The following C1orf21 variants were observed in gnomAD, a reference collection of about 807,000 sequenced individuals.
C1orf21 encodes the protein chromosome 1 open reading frame 21, also known as uncharacterized protein C1orf21.
C1orf21 carries 3 observed loss-of-function variants against 18.7 expected under a neutral mutation model. That is an observed-to-expected ratio of 0.16 (90% CI 0.07 to 0.42). The LOEUF (loss-of-function observed/expected upper bound fraction) is 0.42. C1orf21 is among the 10% of genes least tolerant of loss of function. C1orf21 has a pLI of 0.99. For missense variants in C1orf21, 104 were observed against 143.6 expected (o/e 0.72, Z 1.41); for synonymous variants, 41 against 46.4 (o/e 0.88, Z 0.47).
chr1:184,517,118 C>T (rs1015790246), intron 3 of C1orf21, among the ~76,000 whole-genome samples: 5 of 149,140 alleles, frequency 3.4e-5, no homozygotes, highest in African/African-American at 9.7e-5. Context: ...CTCAAGATCA[C>T]GGTCGTCATA....
At chr1:184,393,929 A>G (rs77535165) in intron 1 of C1orf21, among the ~76,000 whole-genome samples, 18 of 152,082 alleles carry the variant, frequency 1.2e-4, no homozygotes, top group Admixed American at 4.6e-4. Flanking sequence ...ACTGCTCTCC[A>G]TGAAAATTTT....
At chr1:184,523,672 GTATGGGGTA>G (rs1200432054) in intron 3 of C1orf21, among the ~76,000 whole-genome samples, 1 of 152,110 alleles carries the variant, frequency 6.6e-6, no homozygotes, top group Admixed American at 6.5e-5. Context: ...AGAAAGCTAG[GTATGGGGTA>G]TATGTAAATT....
At chr1:184,469,656 C>T (rs1258903001) in intron 1 of C1orf21, among the ~76,000 whole-genome samples, 2 of 152,192 alleles carry the variant, frequency 1.3e-5, no homozygotes, top group East Asian at 3.9e-4. Context: ...ACTGATAGGA[C>T]ATCTGTTTCA....
At chr1:184,479,073 T>G (rs12132671) in intron 2 of C1orf21, among the ~76,000 whole-genome samples, 24,485 of 152,166 alleles carry the variant, frequency 0.16, 2,286 homozygotes, top group Admixed American at 0.28. Context: ...GGAAGAAAAC[T>G]GTTGCATTTT....
At chr1:184,468,223 T>G (rs1290119814) in intron 1 of C1orf21, among the ~76,000 whole-genome samples, 1 of 152,232 alleles carries the variant, frequency 6.6e-6, no homozygotes, top group Non-Finnish European at 1.5e-5. Flanking sequence ...AGATGCTTAT[T>G]TCCTTGAGCA....
chr1:184,600,565 C>T (rs1659573301), intron 5 of C1orf21, among the ~76,000 whole-genome samples: 1 of 152,116 alleles, frequency 6.6e-6, no homozygotes, highest in Non-Finnish European at 1.5e-5. Flanking sequence ...CTTTTGCATC[C>T]AGAATGTAGA....
chr1:184,619,369 C>A, intron 5 of C1orf21, 149 bp from the exon 6 acceptor site: 1 of 761,194 alleles, frequency 1.3e-6, no homozygotes, highest in Non-Finnish European at 2.1e-6. Flanking sequence ...GTATTTATGA[C>A]GTAGCTACCC....
At chr1:184,524,387 T>C (rs947615919) in intron 3 of C1orf21, among the ~76,000 whole-genome samples, 29 of 152,172 alleles carry the variant, frequency 1.9e-4, no homozygotes, top group African/African-American at 6.8e-4. Context: ...CATGGAGAAT[T>C]CCTAAGTAAT....
intron 3 of C1orf21, among the ~76,000 whole-genome samples, chr1:184,571,837 G>A (rs1291719146): frequency 6.6e-6 from 1 of 152,154 alleles, no homozygotes; most frequent in Non-Finnish European, 1.5e-5. Flanking sequence ...TATTGAAAAA[G>A]ATGGACATGC....
chr1:184,536,383 C>T (rs1658553337), intron 3 of C1orf21, among the ~76,000 whole-genome samples: 1 of 152,150 alleles, frequency 6.6e-6, no homozygotes, highest in Non-Finnish European at 1.5e-5. Flanking sequence ...ACACTCATGT[C>T]CACACACCAG....
intron 3 of C1orf21, among the ~76,000 whole-genome samples, chr1:184,539,013 G>A (rs367809541): frequency 5.9e-5 from 9 of 152,042 alleles, no homozygotes; most frequent in African/African-American, 2.2e-4. Context: ...TAATTGCTCT[G>A]GCTAGAACTT....
At chr1:184,605,252 C>T (rs919818990) in intron 5 of C1orf21, among the ~76,000 whole-genome samples, 8 of 152,154 alleles carry the variant, frequency 5.3e-5, no homozygotes, top group African/African-American at 1.9e-4. Flanking sequence ...TTGCTTCAGC[C>T]CTGCAGAGAA....
intron 2 of C1orf21, among the ~76,000 whole-genome samples, chr1:184,495,371 A>G (rs561175728): frequency 6.6e-6 from 1 of 152,102 alleles, no homozygotes; most frequent in Admixed American, 6.5e-5. Context: ...CTTTCTTTTT[A>G]TGTCTTCCCA....
At chr1:184,612,330 A>G (rs1659748366) in intron 5 of C1orf21, among the ~76,000 whole-genome samples, 1 of 152,232 alleles carries the variant, frequency 6.6e-6, no homozygotes, top group Admixed American at 6.5e-5. Flanking sequence ...GCTTTGTACA[A>G]ACCCAAGAGT....
intron 3 of C1orf21, chr1:184,566,707 G>GCCGTA: frequency 2.6e-6 from 1 of 380,444 alleles, no homozygotes; most frequent in Non-Finnish European, 5.3e-6. Flanking sequence ...GGACAAAAAA[G>GCCGTA]TCAGAAGAAA....
At chr1:184,588,171 T>C (rs1271690541) in intron 3 of C1orf21, among the ~76,000 whole-genome samples, 5 of 152,200 alleles carry the variant, frequency 3.3e-5, no homozygotes, top group African/African-American at 1.2e-4. Context: ...TATTCAGACC[T>C]GGTATTTGGT....
At chr1:184,561,723 T>G (rs1658968115) in intron 3 of C1orf21, among the ~76,000 whole-genome samples, 1 of 152,100 alleles carries the variant, frequency 6.6e-6, no homozygotes, top group Admixed American at 6.5e-5. Flanking sequence ...GATCAAGTAA[T>G]TCTCCTGCCT....
intron 1 of C1orf21, among the ~76,000 whole-genome samples, chr1:184,406,173 C>G (rs901935194): frequency 6.6e-6 from 1 of 151,934 alleles, no homozygotes; most frequent in Admixed American, 6.6e-5. Flanking sequence ...TCAAATTAAC[C>G]AAGTTAAAAA....
chr1:184,461,810 A>G (rs913971968), intron 1 of C1orf21, among the ~76,000 whole-genome samples: 5 of 152,120 alleles, frequency 3.3e-5, no homozygotes, highest in Non-Finnish European at 7.4e-5. Flanking sequence ...CGCACGTTTC[A>G]TTTATTTTTG....
Sources: gnomAD v4.1 joint callset for allele counts (sites outside exome capture counted in the v4.1 genomes callset) on GRCh38, gnomAD v4.1.1 for gene constraint, MANE v1.5 for transcripts, NCBI Gene and HGNC (gene_info 2026-07-23, HGNC 2026-07-21) for gene names.